CDHR1: variants seen among roughly 807,000 people sequenced by gnomAD.
CDHR1 encodes cadherin-related family member 1.
CDHR1 carries 61 observed loss-of-function variants against 72.1 expected under a neutral mutation model. That is an observed-to-expected ratio of 0.85 (90% CI 0.69 to 1.05). The LOEUF is 1.05. Ranked by LOEUF, CDHR1 falls within the 50% of genes least tolerant of loss-of-function variation. The pLI is 0.00. For missense variants in CDHR1, 1,186 were observed against 1,115.7 expected (o/e 1.06, Z -0.90); for synonymous variants, 470 against 448.1 (o/e 1.05, Z -0.62).
chr10:84,202,977 C>A lies in CDHR1; in HGVS notation c.640-3C>A. ...TCTCCTGTGGCCTCCGATTCTTCTGCAGGATGGCGGTGGGAGGCTTCATGG... is the reference window on the plus strand; with the variant it reads ...TCTCCTGTGGCCTCCGATTCTTCTGAAGGATGGCGGTGGGAGGCTTCATGG... On this transcript the variant is annotated splice_region_variant and splice_polypyrimidine_tract_variant and intron_variant, in intron 7 of 16. Coordinates refer to ENST00000623527, the MANE Select transcript of CDHR1 (RefSeq NM_033100.4). 6.2e-7 allele frequency: 1 copy of A among 1,614,192 alleles called. No homozygotes were observed. The highest frequency in any genetic ancestry group is 8.5e-7 in the Non-Finnish European group (1 of 1,180,024).
Position 84,213,242 on chromosome 10 carries a change from C to A in CDHR1, c.1934C>A (p.Thr645Lys). 6.2e-7 allele frequency: 1 copy of A among 1,614,234 alleles called. No homozygotes were observed. Among genetic ancestry groups the A allele is most frequent in the South Asian group, 1.1e-5 (1 of 91,092 alleles). Residue 645 changes from threonine (T) to lysine (K), a missense_variant, in exon 16 of 17, where the codon ACA becomes AAA. Coordinates refer to ENST00000623527, the MANE Select transcript of CDHR1 (RefSeq NM_033100.4). ...TCCCTGGATGCCCTGCACAACATCACACCTGGAAGGGACTGCCTATGGTCC... is the reference window on the plus strand; with the variant it reads ...TCCCTGGATGCCCTGCACAACATCAAACCTGGAAGGGACTGCCTATGGTCC... ...IRSLDALHNI[T>K]PGRDCLWSLE...
chr10:84,217,391 T>A lies in CDHR1; in HGVS notation c.*2770T>A, dbSNP rs981750818. 8 of 985,466 alleles carry A rather than the reference T, an allele frequency of 8.1e-6. 1 individual carries two copies. The Admixed American group carries it at 4.9e-4, about 60-fold the overall frequency. The allele number at this position is 985,466 out of a possible 1,614,324, so 61.0% of individuals were successfully genotyped here. ...ATACTCTGCAGAGTCATTTTCCTCC[T>A]GCGGCTGAGCTCAGATCTTCCAATC... On this transcript the variant is annotated 3_prime_UTR_variant, in exon 17 of 17. Transcript: ENST00000623527.
At chr10:84,208,452 C>T (rs1465780518) in intron 11 of CDHR1, 75 bp downstream of exon 11, 2 of 1,467,284 alleles carry the variant, frequency 1.4e-6, no homozygotes, top group Non-Finnish European at 1.9e-6. Flanking sequence ...AGTGGGTCTG[C>T]ATCAACCTGC....
At chr10:84,194,892 G>A (rs970800158) in intron 1 of CDHR1, 77 bp downstream of exon 1, 18 of 1,380,062 alleles carry the variant, frequency 1.3e-5, no homozygotes, top group Non-Finnish European at 1.7e-5. Flanking sequence ...GTGGCCAGAG[G>A]GACATGGTCC....
At position 84,203,134 on chromosome 10, in the gene CDHR1, G is replaced by A. The variant is rs767235020; in HGVS notation, c.783+11G>A. 2 of 1,614,120 alleles carry A rather than the reference G, an allele frequency of 1.2e-6. No individual in the cohort carries two copies. Among genetic ancestry groups the A allele is most frequent in the Admixed American group, 1.7e-5 (1 of 60,024 alleles). On this transcript the variant is annotated intron_variant, in intron 8 of 16. Transcript: ENST00000623527. ...GAGGACACCCTTCCGGTGGGTGGCT[G>A]TCCCCCTCAGCCAGCGATCCCTCCA...
chr10:84,197,286 C>T (rs1339252422), intron 3 of CDHR1, among the ~76,000 whole-genome samples: 2 of 152,096 alleles, frequency 1.3e-5, no homozygotes, highest in African/African-American at 4.8e-5. Flanking sequence ...GCCAGTACCC[C>T]ACTCCCTGGC....
Position 84,217,093 on chromosome 10 carries a change from G to A in CDHR1, c.*2472G>A, listed in dbSNP as rs1458915740. 1 of 985,694 alleles carries A rather than the reference G, an allele frequency of 1.0e-6. No homozygotes were observed. The highest frequency in any genetic ancestry group is 1.2e-6 in the Non-Finnish European group (1 of 830,132). 61.1% of individuals were successfully genotyped at this position (985,694 alleles called of 1,614,324 possible). A position where few individuals can be genotyped will look rare whatever the true frequency, so the allele number is the denominator to read the frequency against. ...AGCCACACTAGGAAAGAGGAGGAGG[G>A]TGCAGCCAAACTTAAGGCACCGGCA... On this transcript the variant is annotated 3_prime_UTR_variant, in exon 17 of 17. Coordinates refer to ENST00000623527, the MANE Select transcript of CDHR1 (RefSeq NM_033100.4).
downstream of CDHR1, chr10:84,218,942 G>A (rs567873073): frequency 1.1e-5 from 6 of 542,192 alleles, no homozygotes; most frequent in Non-Finnish European, 1.5e-5. Flanking sequence ...CTATGTGCCA[G>A]GTATTGTTCT....
Position 84,216,475 on chromosome 10 carries a change from A to G in CDHR1, c.*1854A>G. 1.0e-6 allele frequency: 1 copy of G among 985,530 alleles called. No homozygotes were observed. Among genetic ancestry groups the G allele is most frequent in the Non-Finnish European group, 1.2e-6 (1 of 829,958 alleles). 61.0% of individuals were successfully genotyped at this position (985,530 alleles called of 1,614,324 possible). On this transcript the variant is annotated 3_prime_UTR_variant, in exon 17 of 17. Coordinates refer to ENST00000623527, the MANE Select transcript of CDHR1 (RefSeq NM_033100.4). ...GGAATACAGCATCCTTACAGCTTGC[A>G]TGCAATCAACCTCTTTTGTAAATGG...
chr10:84,214,056 G>C lies in CDHR1; in HGVS notation c.2041-26G>C, dbSNP rs200847591. On this transcript the variant is annotated intron_variant, in intron 16 of 16. Transcript: ENST00000623527. ...CCAGGGACCAGGTGGGAACAGCTGA[G>C]TGCAGGGAGTGGCTTTCTCTTTCAG... The C allele has an allele frequency of 8.7e-4, 1,397 of 1,614,104 alleles. 10 individuals are homozygous for C. In the Middle Eastern group the frequency reaches 0.012, roughly 13 times the overall value.
At chr10:84,211,533 T>C (rs1162352284) in intron 13 of CDHR1, 115 bp from the exon 14 acceptor site, 3 of 954,734 alleles carry the variant, frequency 3.1e-6, no homozygotes, top group Middle Eastern at 2.1e-4. Context: ...TTCTCCCCAG[T>C]TGGGCAAACC....
intron 2 of CDHR1, 87 bp from the exon 3 acceptor site, chr10:84,196,418 C>T: frequency 7.0e-7 from 1 of 1,429,582 alleles, no homozygotes; most frequent in Non-Finnish European, 9.9e-7. Flanking sequence ...ACTTTATAAA[C>T]AGCTGAATCG....
At position 84,202,893 on chromosome 10, in the gene CDHR1, G is replaced by C. The variant is rs1160201717; in HGVS notation, c.640-87G>C. On this transcript the variant is annotated intron_variant, in intron 7 of 16. Coordinates refer to ENST00000623527, the MANE Select transcript of CDHR1 (RefSeq NM_033100.4). Reference sequence around the variant, plus strand: ...AGGACAGCTGGCCTCACAGCCATAGGTGGCAGAAGCCAGGTTTTCACGGAT... The same window carrying C: ...AGGACAGCTGGCCTCACAGCCATAGCTGGCAGAAGCCAGGTTTTCACGGAT... The C allele has an allele frequency of 4.7e-6, 7 of 1,496,748 alleles. No individual in the cohort carries two copies. The African/African-American group carries it at 5.5e-5, about 12-fold the overall frequency. The allele number at this position is 1,496,748 out of a possible 1,614,324, so 92.7% of individuals were successfully genotyped here.
At position 84,214,635 on chromosome 10, in the gene CDHR1, A is replaced by AC. The variant is rs767957187; in HGVS notation, c.*20dup. The stretch of plus-strand genomic sequence containing the variant: ...GCTTACTTCTAGTGTATGCCCTATG[A>AC]CCCCCCATCTTTCCTCCGCCCCTGA... On this transcript the variant is annotated 3_prime_UTR_variant, in exon 17 of 17. Coordinates refer to ENST00000623527, the MANE Select transcript of CDHR1 (RefSeq NM_033100.4). 1.5e-5 allele frequency: 24 copies of AC among 1,598,460 alleles called. No individual in the cohort carries two copies. Among genetic ancestry groups the AC allele is most frequent in the South Asian group, 6.6e-5 (6 of 91,042 alleles).
chr10:84,214,372 C>G lies in CDHR1; in HGVS notation c.2331C>G (p.Asn777Lys). The G allele has an allele frequency of 6.2e-7, 1 of 1,614,196 alleles. No individual in the cohort carries two copies. The highest frequency in any genetic ancestry group is 1.1e-5 in the South Asian group (1 of 91,088). Reference protein sequence around the residue: ...FMLKEKPPNENCNNNSPESSL... With the variant: ...FMLKEKPPNEKCNNNSPESSL... ...TCAAAGAGAAACCTCCCAATGAGAA[C>G]TGTAACAACAACAGCCCAGAAAGCT... The change falls in exon 17 of 17, where the codon AAC (asparagine) becomes AAG (lysine). Residue 777 changes from asparagine (N) to lysine (K), a missense_variant. Asn to Lys is a moderately conservative substitution (Grantham distance 94, BLOSUM62 0). Transcript: ENST00000623527.
chr10:84,205,492 T>A (rs1299870934), intron 9 of CDHR1, among the ~76,000 whole-genome samples: 1 of 147,922 alleles, frequency 6.8e-6, no homozygotes, highest in Non-Finnish European at 1.5e-5. Flanking sequence ...CTGTATGTCC[T>A]CCTGCTTCCT....
rs1450042115 is a variant in CDHR1, at chr10:84,200,693, G to A, written c.525+6G>A. 1.9e-6 allele frequency: 3 copies of A among 1,605,170 alleles called. No individual in the cohort carries two copies. Among genetic ancestry groups the A allele is most frequent in the Non-Finnish European group, 2.6e-6 (3 of 1,175,016 alleles). ...GTGTCACCTACTTCCTGCAGGTAAGGCAGGACACACAGGACCTAACCTGGG... is the reference window on the plus strand; with the variant it reads ...GTGTCACCTACTTCCTGCAGGTAAGACAGGACACACAGGACCTAACCTGGG... On this transcript the variant is annotated splice_donor_region_variant and intron_variant, in intron 6 of 16. Coordinates refer to ENST00000623527, the MANE Select transcript of CDHR1 (RefSeq NM_033100.4).
intron 10 of CDHR1, among the ~76,000 whole-genome samples, chr10:84,207,929 T>G (rs937620018): frequency 2.0e-5 from 3 of 152,224 alleles, no homozygotes; most frequent in African/African-American, 7.2e-5. Context: ...CTCTGTTAAC[T>G]GTAGCTTCCT....
rs761111837 is a variant in CDHR1, at chr10:84,211,139, G to C, written c.1459G>C (p.Gly487Arg). 6.2e-7 allele frequency: 1 copy of C among 1,614,130 alleles called. No individual in the cohort carries two copies. Among genetic ancestry groups the C allele is most frequent in the East Asian group, 2.2e-5 (1 of 44,888 alleles). Residue 487 changes from glycine to arginine, a missense_variant, in exon 13 of 17, where the codon GGG becomes CGG. By Grantham distance (125) the Gly-to-Arg change is moderately radical. Transcript: ENST00000623527. The part of the protein sequence containing the change: ...YVARIPENAP[G>R]GSSVVAVTAV... The stretch of plus-strand genomic sequence containing the variant: ...TGCCAGGATTCCTGAGAACGCCCCA[G>C]GGGGCTCCAGCGTGGTGGCTGTCAC...
Sources: allele counts gnomAD v4.1 joint callset (sites outside exome capture counted in the v4.1 genomes callset), GRCh38; gene constraint gnomAD v4.1.1; transcripts MANE v1.5; gene names NCBI Gene and HGNC (gene_info 2026-07-23, HGNC 2026-07-21).